Variants in ZZZ3 observed in about 807,000 individuals in gnomAD.
ZZZ3 encodes the protein ZZ-type zinc finger-containing protein 3.
In ZZZ3, 22 loss-of-function variants were observed where a neutral mutation model predicts 95.2. That is an observed-to-expected ratio of 0.23 (90% CI 0.17 to 0.33). ZZZ3 has a LOEUF of 0.33. ZZZ3 is among the 10% of genes least tolerant of loss of function. ZZZ3 has a pLI of 1.00. For missense variants in ZZZ3, 885 were observed against 1,066.5 expected (o/e 0.83, Z 2.37); for synonymous variants, 335 against 358.9 (o/e 0.93, Z 0.75).
At chr1:77,674,120 C>T (rs982461497) in intron 1 of ZZZ3, among the ~76,000 whole-genome samples, 4 of 150,964 alleles carry the variant, frequency 2.6e-5, no homozygotes, top group African/African-American at 9.7e-5. Flanking sequence ...CATTAAAACA[C>T]AAAAAAAGGT....
rs539984312 is a variant in ZZZ3 at position 77,577,777 on chromosome 1, C to T, written c.2178+997G>A. 2.3e-4 allele frequency among the ~76,000 whole-genome samples: 35 copies of T among 152,266 alleles called. 1 individual carries two copies. The highest frequency in any genetic ancestry group is 9.8e-4 in the Admixed American group (15 of 15,298). ...CTGGGACTGCAGGTGCGTGCCACCA[C>T]ACCCGGCTAATTTTTGTATTCTTAG... On this transcript the variant is annotated intron_variant, in intron 11 of 14. Transcript: ENST00000370801.
At chr1:77,628,848 G>A (rs1667542552) in intron 5 of ZZZ3, among the ~76,000 whole-genome samples, 1 of 152,162 alleles carries the variant, frequency 6.6e-6, no homozygotes, top group Non-Finnish European at 1.5e-5. Flanking sequence ...TCATATTTAG[G>A]CTGGGCAATG....
intron 5 of ZZZ3, among the ~76,000 whole-genome samples, chr1:77,586,821 CAT>C (rs1006576780): frequency 6.6e-6 from 1 of 152,074 alleles, no homozygotes; most frequent in Non-Finnish European, 1.5e-5. Flanking sequence ...GTAAGATTAC[CAT>C]ATATATCCAT....
chr1:77,636,790 C>A (rs1668346316), intron 4 of ZZZ3, among the ~76,000 whole-genome samples: 1 of 148,214 alleles, frequency 6.7e-6, no homozygotes, highest in African/African-American at 2.5e-5. Context: ...TATGAAAACA[C>A]TGATTAATAC....
rs77450220 is a variant in ZZZ3, at chr1:77,636,924, T to C, written c.-52+2525A>G. On this transcript the variant is annotated intron_variant, in intron 4 of 14. Transcript: ENST00000370801. ...CTAGAACAAAGCCCTAGTGCTAGGATTGTCAAATTCTGTGCTATTGGGCTG... is the reference window on the plus strand; with the variant it reads ...CTAGAACAAAGCCCTAGTGCTAGGACTGTCAAATTCTGTGCTATTGGGCTG... 1.9e-3 allele frequency among the ~76,000 whole-genome samples: 288 copies of C among 152,308 alleles called. 6 individuals are homozygous for C. The highest frequency in any genetic ancestry group is 0.015 in the Admixed American group (227 of 15,294).
chr1:77,613,863 C>T (rs1221575358), intron 5 of ZZZ3, among the ~76,000 whole-genome samples: 2 of 152,040 alleles, frequency 1.3e-5, no homozygotes, highest in Non-Finnish European at 2.9e-5. Flanking sequence ...GTCTATAATA[C>T]ATTTTTAATA....
intron 1 of ZZZ3, among the ~76,000 whole-genome samples, chr1:77,661,251 A>G (rs1670755382): frequency 6.6e-6 from 1 of 151,982 alleles, no homozygotes; most frequent in Non-Finnish European, 1.5e-5. Flanking sequence ...CGTCTCTACT[A>G]AAAAAACAAA....
chr1:77,600,363 A>G (rs1047536338), intron 5 of ZZZ3, among the ~76,000 whole-genome samples: 1 of 152,220 alleles, frequency 6.6e-6, no homozygotes, highest in African/African-American at 2.4e-5. Flanking sequence ...TTACCTATTA[A>G]GCTAAGGTAC....
intron 9 of ZZZ3, chr1:77,580,670 C>T (rs932981951): frequency 1.6e-5 from 3 of 191,078 alleles, no homozygotes; most frequent in African/African-American, 7.0e-5. Flanking sequence ...CACTCTGTTG[C>T]CCAGCCTGGA....
At chr1:77,589,175 C>T (rs558725264) in intron 5 of ZZZ3, among the ~76,000 whole-genome samples, 2 of 152,304 alleles carry the variant, frequency 1.3e-5, no homozygotes, top group East Asian at 1.9e-4. Flanking sequence ...CCACACCCAA[C>T]CAGAACTGTT....
chr1:77,567,307 G>C (rs1660919516), intron 13 of ZZZ3, among the ~76,000 whole-genome samples: 1 of 152,128 alleles, frequency 6.6e-6, no homozygotes, highest in Non-Finnish European at 1.5e-5. Context: ...ATTATCAAAA[G>C]AATCTCTAAC....
At chr1:77,668,586 A>G (rs1213437964) in intron 1 of ZZZ3, among the ~76,000 whole-genome samples, 2 of 151,570 alleles carry the variant, frequency 1.3e-5, no homozygotes, top group African/African-American at 2.4e-5. Flanking sequence ...GCTTAAAATT[A>G]TAGAGCTCAT....
intron 5 of ZZZ3, among the ~76,000 whole-genome samples, chr1:77,589,144 TG>T (rs1221523634): frequency 6.6e-6 from 1 of 152,210 alleles, no homozygotes; most frequent in Non-Finnish European, 1.5e-5. Flanking sequence ...CCCAAAGTGT[TG>T]GGATTATAGG....
At chr1:77,623,734 G>A (rs1271586381) in intron 5 of ZZZ3, among the ~76,000 whole-genome samples, 2 of 152,202 alleles carry the variant, frequency 1.3e-5, no homozygotes, top group Non-Finnish European at 2.9e-5. Context: ...TAGTAGACAT[G>A]TGAAAATTCA....
At chr1:77,639,392 A>AAG in intron 4 of ZZZ3, 57 bp downstream of exon 4, 8 of 1,414,594 alleles carry the variant, frequency 5.7e-6, no homozygotes, top group Admixed American at 3.0e-5. Flanking sequence ...CAAAAAAAAA[A>AAG]AAGAAGAAGA....
intron 5 of ZZZ3, among the ~76,000 whole-genome samples, chr1:77,599,319 CCTAA>C (rs1451720018): frequency 2.6e-5 from 4 of 151,758 alleles, no homozygotes; most frequent in African/African-American, 9.7e-5. Flanking sequence ...ACTGGTATTA[CCTAA>C]CTTATACACT....
intron 1 of ZZZ3, among the ~76,000 whole-genome samples, chr1:77,657,921 G>A (rs750923444): frequency 2.7e-5 from 3 of 110,786 alleles, no homozygotes; most frequent in Non-Finnish European, 6.0e-5. Context: ...GCTCATGCCT[G>A]TAATCCCAGC....
intron 13 of ZZZ3, among the ~76,000 whole-genome samples, chr1:77,567,913 T>C (rs1660978888): frequency 6.6e-6 from 1 of 152,190 alleles, no homozygotes; most frequent in Non-Finnish European, 1.5e-5. Flanking sequence ...GTCTTCACTC[T>C]ACTAAATAAT....
At chr1:77,672,649 T>A (rs947010480) in intron 1 of ZZZ3, among the ~76,000 whole-genome samples, 2 of 152,232 alleles carry the variant, frequency 1.3e-5, no homozygotes, top group African/African-American at 2.4e-5. Flanking sequence ...TGATAAATAC[T>A]GAGAACCACT....
Sources: allele counts gnomAD v4.1 joint callset (sites outside exome capture counted in the v4.1 genomes callset), GRCh38; gene constraint gnomAD v4.1.1; transcripts MANE v1.5; gene names NCBI Gene and HGNC (gene_info 2026-07-23, HGNC 2026-07-21).